Variants in SOD2 observed in about 807,000 individuals in gnomAD.
The protein encoded by SOD2 is superoxide dismutase 2.
A neutral mutation model predicts 27.0 loss-of-function variants in SOD2; 11 were observed. That is an observed-to-expected ratio of 0.41 (90% CI 0.26 to 0.67). The LOEUF is 0.67. Among genes scored for constraint, SOD2 ranks in the 30% least tolerant of loss-of-function variants. The probability of loss-of-function intolerance (pLI) is 0.34; values close to 1 mark genes in which losing one functional copy is unlikely to be tolerated. For missense variants in SOD2, 250 were observed against 274.5 expected (o/e 0.91, Z 0.63); for synonymous variants, 105 against 103.0 (o/e 1.02, Z -0.12).
chr6:159,726,858 G>GCTTT (rs1422502206), intron 1 of SOD2: 1 of 1,289,122 alleles, frequency 7.8e-7, no homozygotes, highest in African/African-American at 1.5e-5. Flanking sequence ...TTACAGGTGA[G>GCTTT]CTTCTGCTAA....
At chr6:159,698,514 G>A (rs1323044343) in intron 1 of SOD2, among the ~76,000 whole-genome samples, 1 of 140,120 alleles carries the variant, frequency 7.1e-6, no homozygotes. Context: ...AAAGGTTGCA[G>A]TGAGCTGAGA....
At chr6:159,740,503 A>G (rs1487792941) in intron 1 of SOD2, among the ~76,000 whole-genome samples, 5 of 151,738 alleles carry the variant, frequency 3.3e-5, no homozygotes, top group Admixed American at 6.6e-5. Context: ...CAGTTTTTAT[A>G]TTTTTCTGTA....
At chr6:159,746,274 A>G (rs1779568213), upstream of SOD2, among the ~76,000 whole-genome samples, 4 of 152,194 alleles carry the variant, frequency 2.6e-5, no homozygotes, top group Admixed American at 1.3e-4. Context: ...GTGATGTACT[A>G]TAGGAGTTTG....
At position 159,682,555 on chromosome 6, in the gene SOD2, C is replaced by G; in HGVS notation, c.607G>C (p.Ala203Pro). 6.2e-7 allele frequency: 1 copy of G among 1,614,036 alleles called. No homozygotes were observed. Among genetic ancestry groups the G allele is most frequent in the Non-Finnish European group, 8.5e-7 (1 of 1,179,964 alleles). ...YKNVRPDYLK[A>P]IWNVINWENV... ...TCCCAGTTGATTACATTCCAAATAG[C>G]TTTTAGATAATCAGGCCTGACATTT... The change falls in exon 5 of 5, where the codon GCT (alanine) becomes CCT (proline). Residue 203 changes from alanine (A) to proline (P), a missense_variant. Physicochemically the swap from Ala to Pro is conservative, Grantham distance 27. Transcript: ENST00000538183.
upstream of SOD2, among the ~76,000 whole-genome samples, chr6:159,728,684 A>G (rs1488798550): frequency 1.3e-5 from 2 of 152,248 alleles, no homozygotes; most frequent in Admixed American, 6.5e-5. Flanking sequence ...TCTTTTCAAG[A>G]TGGATACATT....
At chr6:159,717,897 ATG>A (rs66742481) in intron 1 of SOD2, among the ~76,000 whole-genome samples, 42,722 of 149,264 alleles carry the variant, frequency 0.29, 5,922 homozygotes, top group East Asian at 0.41. Context: ...ATGTATGGAT[ATG>A]TGTGTGTGTG....
intron 1 of SOD2, chr6:159,726,746 G>A: frequency 7.8e-7 from 1 of 1,284,358 alleles, no homozygotes. Context: ...ATAGCTCCTC[G>A]ATGCGTCTCC....
intron 1 of SOD2, chr6:159,755,757 TTTC>T (rs1236107130): frequency 3.5e-5 from 35 of 998,256 alleles, no homozygotes; most frequent in East Asian, 1.6e-4. Flanking sequence ...TTGTTTTTTT[TTTC>T]TTTTCTTTTT....
At chr6:159,761,495 C>T (rs751035635) in exon 1 of SOD2, 11 of 455,594 alleles carry the variant, frequency 2.4e-5, no homozygotes, top group South Asian at 1.4e-4. Context: ...GCCCCTCACG[C>T]GAGCGAATGA....
intron 1 of SOD2, among the ~76,000 whole-genome samples, chr6:159,760,064 T>C (rs1010755758): frequency 2.0e-5 from 3 of 152,134 alleles, no homozygotes; most frequent in African/African-American, 4.8e-5. Flanking sequence ...AGGAATTACA[T>C]GGTAAGTTGA....
intron 1 of SOD2, among the ~76,000 whole-genome samples, chr6:159,712,289 A>T (rs1179152201): frequency 1.8e-4 from 25 of 136,994 alleles, no homozygotes; most frequent in East Asian, 6.8e-4. Context: ...TGCTCTGATC[A>T]CCATAACCAC....
chr6:159,705,065 C>G (rs1409743859), intron 1 of SOD2, among the ~76,000 whole-genome samples: 1 of 152,198 alleles, frequency 6.6e-6, no homozygotes, highest in Non-Finnish European at 1.5e-5. Context: ...GCTGAGGGTC[C>G]TGTTAGAAAG....
intron 2 of SOD2, chr6:159,692,252 C>G (rs912579230): frequency 1.8e-5 from 9 of 487,942 alleles, no homozygotes; most frequent in Non-Finnish European, 2.9e-5. Flanking sequence ...AAACGGCTGG[C>G]ACACCTACCT....
chr6:159,704,366 A>G (rs1472837153), intron 1 of SOD2, among the ~76,000 whole-genome samples: 1 of 152,196 alleles, frequency 6.6e-6, no homozygotes, highest in South Asian at 2.1e-4. Context: ...CAGGGAATTC[A>G]CTTTCATAGC....
At chr6:159,727,316 C>T (rs11752345) in exon 1 of SOD2, 265,718 of 1,278,968 alleles carry the variant, frequency 0.21, 29,335 homozygotes, top group Admixed American at 0.25. Flanking sequence ...GCGGCCACGC[C>T]TGAAAGGCGA....
chr6:159,740,683 G>T (rs1387553713), intron 1 of SOD2, among the ~76,000 whole-genome samples: 2 of 150,908 alleles, frequency 1.3e-5, no homozygotes, highest in Non-Finnish European at 1.5e-5. Flanking sequence ...GTATTAGGAA[G>T]GTTTTTTTTT....
At chr6:159,732,850 TTCTCTC>T (rs146820451) in intron 1 of SOD2, among the ~76,000 whole-genome samples, 5,216 of 147,704 alleles carry the variant, frequency 0.035, 331 homozygotes, top group African/African-American at 0.12. Context: ...GTCTGCTTCT[TTCTCTC>T]TCTCTCTCTC....
intron 4 of SOD2, 56 bp downstream of exon 4, chr6:159,684,798 G>A: frequency 7.4e-7 from 1 of 1,350,134 alleles, no homozygotes; most frequent in South Asian, 1.5e-5. Flanking sequence ...ATTTCTAGTT[G>A]AATGCTTTAC....
At chr6:159,730,351 G>A (rs1778491732), upstream of SOD2, among the ~76,000 whole-genome samples, 1 of 152,026 alleles carries the variant, frequency 6.6e-6, no homozygotes, top group South Asian at 2.1e-4. Flanking sequence ...TTTCTGATAC[G>A]AGAATAGATT....
Sources: gnomAD v4.1 joint callset for allele counts (sites outside exome capture counted in the v4.1 genomes callset) on GRCh38, gnomAD v4.1.1 for gene constraint, MANE v1.5 for transcripts, NCBI Gene and HGNC (gene_info 2026-07-23, HGNC 2026-07-21) for gene names.